The following MBP variants were observed in gnomAD, a reference collection of about 807,000 sequenced individuals.
MBP encodes the protein myelin basic protein, also known as Golli-MBP.
In MBP, 16 loss-of-function variants were observed where a neutral mutation model predicts 35.8. That is an observed-to-expected ratio of 0.45 (90% CI 0.30 to 0.68). MBP has a LOEUF of 0.68. Among genes scored for constraint, MBP ranks in the 30% least tolerant of loss-of-function variants. The probability of loss-of-function intolerance (pLI) is 0.08; values close to 1 mark genes in which losing one functional copy is unlikely to be tolerated. For synonymous variants in MBP, 143 were observed against 159.6 expected, an observed-to-expected ratio of 0.90 and a Z score of 0.78; for missense variants, 380 against 404.7, an observed-to-expected ratio of 0.94 and a Z score of 0.52.
intron 1 of MBP, among the ~76,000 whole-genome samples, chr18:77,129,517 T>G (rs1190630649): frequency 6.6e-6 from 1 of 152,230 alleles, no homozygotes; most frequent in East Asian, 1.9e-4. Flanking sequence ...CTGCTTCTGT[T>G]TCTCTGGATG....
rs931883947 is a variant in MBP at position 77,020,380 on chromosome 18, C to T, written c.140-3112G>A. Among the ~76,000 whole-genome samples, 6 of 152,144 alleles carry T rather than the reference C, an allele frequency of 3.9e-5. No homozygotes were observed. Among genetic ancestry groups the T allele is most frequent in the Non-Finnish European group, 5.9e-5 (4 of 68,026 alleles). ...GCAGTGGACAGATATTCTTCTACGT[C>T]GGTTTCCACAAAGGACCTCTTTCAG... On this transcript the variant is annotated intron_variant, in intron 3 of 8. Coordinates refer to ENST00000355994, the MANE Select transcript of MBP (RefSeq NM_001025101.2). This position sits in a 1 kb window ranked among gnomAD's most constrained non-coding sequence, Gnocchi z 4.1.
In MBP at chr18:76,990,053, T is replaced by A. The variant is rs1425820615; in HGVS notation, c.584A>T (p.His195Leu). 2 of 1,611,254 alleles carry A rather than the reference T, an allele frequency of 1.2e-6. No individual in the cohort carries two copies. The highest frequency in any genetic ancestry group is 1.7e-6 in the Non-Finnish European group (2 of 1,178,844). The part of the protein sequence containing the change: ...APKRGSGKDS[H>L]HPARTAHYGS... ...GTAGTGAGCAGTTCTTGCCGGGTGG[T>A]GTGAGTCCTGAAACACAGAGGCGCG... is the stretch of plus-strand genomic sequence containing the variant. Residue 195 changes from histidine to leucine, a missense_variant, in exon 5 of 9, where the codon CAC (histidine) becomes CTC (leucine). His to Leu is a moderately conservative substitution (Grantham distance 99). Coordinates refer to ENST00000355994, the MANE Select transcript of MBP (RefSeq NM_001025101.2).
At chr18:77,052,414 C>A (rs575172807) in intron 3 of MBP, among the ~76,000 whole-genome samples, 10 of 152,144 alleles carry the variant, frequency 6.6e-5, no homozygotes, top group African/African-American at 1.7e-4. Context: ...CCGAGCTGGA[C>A]GCACGGCTGC....
intron 2 of MBP, among the ~76,000 whole-genome samples, chr18:77,090,129 C>T (rs907481453): frequency 6.6e-6 from 1 of 152,166 alleles, no homozygotes; most frequent in Non-Finnish European, 1.5e-5. Flanking sequence ...AGAGGGGCCT[C>T]AGCCTTAAAC....
intron 3 of MBP, among the ~76,000 whole-genome samples, chr18:77,037,160 G>A (rs1467613957): frequency 6.7e-6 from 1 of 148,640 alleles, no homozygotes; most frequent in East Asian, 2.0e-4. Context: ...ATCACATTTT[G>A]GAGACAGAGC....
chr18:77,068,906 G>T lies in MBP; in HGVS notation c.52-2521C>A, dbSNP rs192661509. 3,742 of 456,182 alleles carry T rather than the reference G, an allele frequency of 8.2e-3. 28 individuals are homozygous for T. Among genetic ancestry groups the T allele is most frequent in the Non-Finnish European group, 0.013 (2,861 of 226,812 alleles). The allele number at this position is 456,182 out of a possible 1,614,324, so 28.3% of individuals were successfully genotyped here. A position where few individuals can be genotyped will look rare whatever the true frequency, so the allele number is the denominator to read the frequency against. On this transcript the variant is annotated intron_variant, in intron 2 of 8. Transcript: ENST00000355994. ...ATAAACACTCTCAGCCTCTTTGGGA[G>T]GACAAAGAGCAGCAGCCGCCACCAC...
intron 2 of MBP, among the ~76,000 whole-genome samples, chr18:77,083,691 A>T (rs1975071627): frequency 6.6e-6 from 1 of 152,230 alleles, no homozygotes; most frequent in Non-Finnish European, 1.5e-5. Context: ...TAAAGCACTG[A>T]TATATGCTGT....
intron 4 of MBP, among the ~76,000 whole-genome samples, chr18:76,998,313 G>C (rs1306347932): frequency 7.4e-6 from 1 of 134,434 alleles, no homozygotes; most frequent in Non-Finnish European, 1.6e-5. Flanking sequence ...CAGGCGCCCC[G>C]TGCTGCGGCC....
At chr18:77,129,269 C>T (rs958896805) in intron 1 of MBP, among the ~76,000 whole-genome samples, 1 of 152,208 alleles carries the variant, frequency 6.6e-6, no homozygotes, top group South Asian at 2.1e-4. Context: ...AAAGAACATT[C>T]GGAATGACAT....
At chr18:77,108,322 GC>G (rs1243793941) in intron 1 of MBP, 1 of 152,196 alleles carries the variant, frequency 6.6e-6, no homozygotes, top group Admixed American at 6.5e-5. Flanking sequence ...AATTGAGAGA[GC>G]CAGAGAAAAA....
At chr18:77,093,190 G>C (rs1956656689) in intron 2 of MBP, 1 of 152,260 alleles carries the variant, frequency 6.6e-6, no homozygotes, top group Admixed American at 6.5e-5. Flanking sequence ...CGGGGTCGAG[G>C]CTGGGCCGGC....
chr18:76,984,139 G>A (rs1969387940), intron 8 of MBP: 1 of 152,880 alleles, frequency 6.5e-6, no homozygotes, highest in Non-Finnish European at 1.5e-5. Context: ...AAAGGTGACT[G>A]CTTATCTAAG....
At position 77,014,242 on chromosome 18, in the gene MBP, C is replaced by T. The variant is rs190378951; in HGVS notation, c.576+2590G>A. ...AGCATGGGTGTTGTTAGGGCATTCC[C>T]GGGCTCGGGGGCGGCCGCTCCAACA... On this transcript the variant is annotated intron_variant, in intron 4 of 8. Transcript: ENST00000355994. The T allele has an allele frequency of 7.1e-5, 70 of 985,424 alleles. No homozygotes were observed. In the East Asian group the frequency reaches 1.7e-3, roughly 24 times the overall value. 61.0% of individuals were successfully genotyped at this position (985,424 alleles called of 1,614,324 possible).
chr18:76,992,838 C>T (rs1970021486), intron 4 of MBP, among the ~76,000 whole-genome samples: 2 of 152,182 alleles, frequency 1.3e-5, no homozygotes, highest in African/African-American at 4.8e-5. Flanking sequence ...GGCTGCTGAG[C>T]ATCCATCCCC....
intron 3 of MBP, among the ~76,000 whole-genome samples, chr18:77,040,049 G>T (rs1007593960): frequency 7.2e-5 from 11 of 152,160 alleles, no homozygotes; most frequent in African/African-American, 2.7e-4. Context: ...AAATCACATA[G>T]AAATTATAAA....
chr18:77,001,518 A>T (rs1019975515), intron 4 of MBP, among the ~76,000 whole-genome samples: 4 of 152,238 alleles, frequency 2.6e-5, no homozygotes, highest in Admixed American at 6.5e-5. Context: ...CACAAGGAGA[A>T]GTGTGCATTC....
Position 77,083,862 on chromosome 18 carries a change from G to T in MBP, c.52-17477C>A, listed in dbSNP as rs546681802. ...GGCTGTAGGAGGGATGGGAGGGATT[G>T]CTAGAAGGCACAGGTTTCTTTTGGA... On this transcript the variant is annotated intron_variant, in intron 2 of 8. Coordinates refer to ENST00000355994, the MANE Select transcript of MBP (RefSeq NM_001025101.2). Among the ~76,000 whole-genome samples, 7 of 152,298 alleles carry T rather than the reference G, an allele frequency of 4.6e-5. No individual in the cohort carries two copies. In the East Asian group the frequency reaches 9.7e-4, roughly 21 times the overall value.
chr18:77,059,518 C>T (rs1964476949), intron 3 of MBP, among the ~76,000 whole-genome samples: 1 of 150,632 alleles, frequency 6.6e-6, no homozygotes, highest in African/African-American at 2.4e-5. Flanking sequence ...AATAATTTAA[C>T]CTTAATTACA....
chr18:77,015,906 C>A, intron 4 of MBP: 1 of 985,454 alleles, frequency 1.0e-6, no homozygotes, highest in Non-Finnish European at 1.2e-6. Context: ...GCCCTGCACA[C>A]AGGCAGAAAA....
Sources: allele counts gnomAD v4.1 joint callset (sites outside exome capture counted in the v4.1 genomes callset), GRCh38; gene constraint gnomAD v4.1.1; non-coding constraint Gnocchi (gnomAD v3.1); transcripts MANE v1.5; gene names NCBI Gene and HGNC (gene_info 2026-07-23, HGNC 2026-07-21).